The following MGAM2 variants were observed in gnomAD, a reference collection of about 807,000 sequenced individuals.
The protein encoded by MGAM2 is maltase-glucoamylase 2 (putative).
A neutral mutation model predicts 96.1 loss-of-function variants in MGAM2; 98 were observed. The ratio of observed to expected loss-of-function variants is 1.02; its 90% CI spans 0.87 to 1.21. The LOEUF (loss-of-function observed/expected upper bound fraction) is 1.21, where lower values mean the gene tolerates loss of function less well. MGAM2 is among the 50% of genes most tolerant of loss of function. The pLI, the probability that MGAM2 is intolerant of heterozygous loss-of-function variation, is 0.00. For missense variants in MGAM2, 2,055 were observed against 1,182.4 expected (o/e 1.74, Z -10.82); for synonymous variants, 749 against 414.8 (o/e 1.81, Z -9.79).
rs955095878 is a variant in MGAM2, at chr7:142,190,023, A to T, written c.4346+518A>T. Among the ~76,000 whole-genome samples the T allele has an allele frequency of 1.5e-4, 23 of 152,200 alleles. 1 individual carries two copies. The highest frequency in any genetic ancestry group is 5.2e-4 in the Admixed American group (8 of 15,284). On this transcript the variant is annotated intron_variant, in intron 37 of 47. Coordinates refer to ENST00000477922, the MANE Select transcript of MGAM2 (RefSeq NM_001293626.2). ...TTCTTTTGACTAATAAAATTTCATTATATAGATACACCATATTTTGCTTGC... is the reference window on the plus strand; with the variant it reads ...TTCTTTTGACTAATAAAATTTCATTTTATAGATACACCATATTTTGCTTGC...
At chr7:142,163,959 A>G (rs2129087512) in intron 23 of MGAM2, among the ~76,000 whole-genome samples, 1 of 152,282 alleles carries the variant, frequency 6.6e-6, no homozygotes, top group Middle Eastern at 3.4e-3. Flanking sequence ...TGTCAAGCTT[A>G]AGATCTCTTC....
At chr7:142,198,956 T>C (rs1276523216) in intron 44 of MGAM2, among the ~76,000 whole-genome samples, 2 of 152,226 alleles carry the variant, frequency 1.3e-5, no homozygotes, top group African/African-American at 4.8e-5. Flanking sequence ...CATATATTTT[T>C]GTCTGTAGTG....
intron 22 of MGAM2, among the ~76,000 whole-genome samples, 190 bp downstream of exon 22, chr7:142,161,403 A>G (rs571224788): frequency 1.3e-5 from 2 of 152,344 alleles, no homozygotes; most frequent in South Asian, 4.1e-4. Flanking sequence ...TAGACTTCAA[A>G]TGCACAAATT....
At position 142,186,240 on chromosome 7, in the gene MGAM2, T is replaced by C. The variant is rs1796696205; in HGVS notation, c.4122+117T>C. On this transcript the variant is annotated intron_variant, in intron 35 of 47. Transcript: ENST00000477922. Reference sequence around the variant, plus strand: ...GGCTGAAGAGATGAAAGGGAGAATCTAGGTGCTGTTACAGAATCTAGGTGC... The same window carrying C: ...GGCTGAAGAGATGAAAGGGAGAATCCAGGTGCTGTTACAGAATCTAGGTGC... 4.9e-6 allele frequency: 3 copies of C among 617,418 alleles called. No homozygotes were observed. The South Asian group carries it at 5.9e-5, about 12-fold the overall frequency. The allele number at this position is 617,418 out of a possible 1,614,324, so 38.2% of individuals were successfully genotyped here.
intron 46 of MGAM2, among the ~76,000 whole-genome samples, chr7:142,212,539 A>C (rs1797619248): frequency 6.6e-6 from 1 of 152,200 alleles, no homozygotes; most frequent in Admixed American, 6.5e-5. Flanking sequence ...TAAAAAGAAA[A>C]AGCAGGGGTT....
At chr7:142,193,982 G>GA (rs1451093053) in intron 37 of MGAM2, among the ~76,000 whole-genome samples, 1 of 151,286 alleles carries the variant, frequency 6.6e-6, no homozygotes, top group East Asian at 1.9e-4. Context: ...TTAAAATGTT[G>GA]AACTATTTAT....
chr7:142,193,716 T>C (rs1057017317), intron 37 of MGAM2, among the ~76,000 whole-genome samples: 1 of 152,222 alleles, frequency 6.6e-6, no homozygotes, highest in Admixed American at 6.5e-5. Flanking sequence ...CACAAACTCC[T>C]TTGCAGGTTT....
At chr7:142,130,306 G>T (rs1794848782) in intron 3 of MGAM2, among the ~76,000 whole-genome samples, 1 of 152,074 alleles carries the variant, frequency 6.6e-6, no homozygotes, top group Admixed American at 6.6e-5. Context: ...TTCTTCTTTT[G>T]CTGTATTGTT....
At chr7:142,127,758 C>A (rs1377970737) in intron 3 of MGAM2, among the ~76,000 whole-genome samples, 2 of 152,186 alleles carry the variant, frequency 1.3e-5, no homozygotes, top group Non-Finnish European at 2.9e-5. Flanking sequence ...CCTTCATCTT[C>A]CACCATGACT....
At chr7:142,181,301 A>G (rs1440344886) in intron 32 of MGAM2, among the ~76,000 whole-genome samples, 1 of 152,174 alleles carries the variant, frequency 6.6e-6, no homozygotes, top group African/African-American at 2.4e-5. Context: ...GTGCTTTCAG[A>G]GGCCCAAGGC....
At chr7:142,218,611 A>G in intron 47 of MGAM2, 80 bp downstream of exon 47, 1 of 579,322 alleles carries the variant, frequency 1.7e-6, no homozygotes, top group Non-Finnish European at 3.1e-6. Flanking sequence ...TTTGCTAACA[A>G]TTAAAATTAT....
At chr7:142,171,652 A>ATC (rs1796195196) in intron 28 of MGAM2, among the ~76,000 whole-genome samples, 1 of 75,646 alleles carries the variant, frequency 1.3e-5, no homozygotes, top group African/African-American at 5.1e-5. Flanking sequence ...ATATATATAT[A>ATC]TATCCACAAC....
Position 142,196,127 on chromosome 7 carries a change from C to T in MGAM2, c.4347-27C>T, listed in dbSNP as rs563833938. Reference sequence around the variant, plus strand: ...TCTGTAAAGGAGTTTGTTTCTTCAACTCACCTCTTTATTCCCCTCCCACCA... The same window carrying T: ...TCTGTAAAGGAGTTTGTTTCTTCAATTCACCTCTTTATTCCCCTCCCACCA... On this transcript the variant is annotated intron_variant, in intron 37 of 47. Coordinates refer to ENST00000477922, the MANE Select transcript of MGAM2 (RefSeq NM_001293626.2). 7.2e-5 allele frequency: 65 copies of T among 900,178 alleles called. 1 individual carries two copies. In the South Asian group the frequency reaches 7.7e-4, roughly 11 times the overall value. The allele number at this position is 900,178 out of a possible 1,614,324, so 55.8% of individuals were successfully genotyped here.
intron 37 of MGAM2, among the ~76,000 whole-genome samples, chr7:142,191,832 C>T (rs1336244357): frequency 2.0e-5 from 3 of 152,058 alleles, no homozygotes; most frequent in African/African-American, 7.2e-5. Context: ...AATATTAAGT[C>T]TCTTTTGATT....
At chr7:142,144,133 A>G (rs1795316177) in intron 13 of MGAM2, 2 of 292,668 alleles carry the variant, frequency 6.8e-6, no homozygotes, top group South Asian at 2.2e-4. Flanking sequence ...TTCTCCATTA[A>G]CTGGTTGTCA....
At chr7:142,192,667 T>A (rs958234868) in intron 37 of MGAM2, among the ~76,000 whole-genome samples, 2 of 152,184 alleles carry the variant, frequency 1.3e-5, no homozygotes, top group Non-Finnish European at 2.9e-5. Flanking sequence ...TACCAAAAGC[T>A]CAACTTTCCC....
At chr7:142,147,915 G>A (rs1489344442) in intron 15 of MGAM2, among the ~76,000 whole-genome samples, 3 of 151,940 alleles carry the variant, frequency 2.0e-5, no homozygotes, top group African/African-American at 7.3e-5. Flanking sequence ...AAAAATACAG[G>A]ACACCAAATT....
rs1794900732 is a variant in MGAM2, at chr7:142,131,938, A to C, written c.428A>C (p.Asp143Ala). The C allele has an allele frequency of 2.9e-6, 2 of 701,594 alleles. No individual in the cohort carries two copies. Among genetic ancestry groups the C allele is most frequent in the Non-Finnish European group, 5.2e-6 (2 of 384,504 alleles). The allele number at this position is 701,594 out of a possible 1,614,324, so 43.5% of individuals were successfully genotyped here. The change falls in exon 6 of 48, where the codon GAC (aspartate) becomes GCC (alanine). Residue 143 changes from aspartate (D) to alanine (A), a missense_variant. Coordinates refer to ENST00000477922, the MANE Select transcript of MGAM2 (RefSeq NM_001293626.2). ...TSNRFHFKIT[D>A]FNNIRYEVSH... is the part of the protein sequence containing the mutation. The stretch of plus-strand genomic sequence containing the variant: ...CTGTTTTTCTTTTGACAGATCACTG[A>C]CTTTAATAACATACGCTATGAAGTT...
Position 142,220,351 on chromosome 7 carries a change from G to A in MGAM2, c.5840G>A (p.Ser1947Asn), listed in dbSNP as rs969002073. Residue 1947 changes from serine to asparagine, a missense_variant, in exon 48 of 48, where the codon AGT (serine) becomes AAT (asparagine). By Grantham distance (46) the Ser-to-Asn change is conservative. Coordinates refer to ENST00000477922, the MANE Select transcript of MGAM2 (RefSeq NM_001293626.2). ...VPITTTCFATSTIGVTTNATV... is the reference protein window; with the variant it reads ...VPITTTCFATNTIGVTTNATV... ...ATCACAACCACATGTTTTGCAACAA[G>A]TACTATTGGTGTTACAACTAATGCT... is the stretch of plus-strand genomic sequence containing the variant. 1 of 702,578 alleles carries A rather than the reference G, an allele frequency of 1.4e-6. No homozygotes were observed. The highest frequency in any genetic ancestry group is 2.6e-6 in the Non-Finnish European group (1 of 384,892). 43.5% of individuals were successfully genotyped at this position (702,578 alleles called of 1,614,324 possible). A position where few individuals can be genotyped will look rare whatever the true frequency, so the allele number is the denominator to read the frequency against.
Sources: allele counts gnomAD v4.1 joint callset (sites outside exome capture counted in the v4.1 genomes callset), GRCh38; gene constraint gnomAD v4.1.1; transcripts MANE v1.5; gene names NCBI Gene and HGNC (gene_info 2026-07-23, HGNC 2026-07-21).